The following ZEB1 variants were observed in gnomAD, a reference collection of about 807,000 sequenced individuals.
ZEB1 encodes zinc finger E-box binding homeobox 1, also known as zinc finger E-box-binding homeobox 1.
ZEB1 carries 21 observed loss-of-function variants against 84.9 expected under a neutral mutation model. That is an observed-to-expected ratio of 0.25 (90% confidence interval 0.18 to 0.36). The LOEUF (loss-of-function observed/expected upper bound fraction) is 0.36. ZEB1 is among the 10% of genes least tolerant of loss of function. The probability of loss-of-function intolerance (pLI) is 1.00; values close to 1 mark genes in which losing one functional copy is unlikely to be tolerated. For synonymous variants in ZEB1, 420 were observed against 471.1 expected (o/e 0.89, Z 1.41); for missense variants, 1,104 against 1,330.2 (o/e 0.83, Z 2.65).
chr10:31,447,849 C>A (rs28870112), intron 1 of ZEB1, among the ~76,000 whole-genome samples: 2 of 147,434 alleles, frequency 1.4e-5, no homozygotes, highest in African/African-American at 5.0e-5. Context: ...CTTAACATTT[C>A]TTCCTTCATT....
intron 2 of ZEB1, 45 bp from the exon 3 acceptor site, chr10:31,495,731 A>G: frequency 1.2e-6 from 2 of 1,603,018 alleles, no homozygotes; most frequent in South Asian, 1.1e-5. Flanking sequence ...TTTCGTTTGT[A>G]TTAGGAACAC....
chr10:31,461,074 T>C lies in ZEB1; in HGVS notation c.96T>C (p.Asp32=). The C allele has an allele frequency of 6.2e-7, 1 of 1,613,270 alleles. No homozygotes were observed. The highest frequency in any genetic ancestry group is 2.2e-5 in the East Asian group (1 of 44,830). ...NYNTVVETNS[D]SDDEDKLHIV... is the part of the protein sequence containing the mutation. ...ATACTGTGGTAGAAACAAATTCAGA[T>C]TCAGATGATGAAGACAAACTGCATA... The change falls in exon 2 of 9, where the codon GAT becomes GAC. Residue 32 remains aspartate, a synonymous_variant. Coordinates refer to ENST00000424869, the MANE Select transcript of ZEB1 (RefSeq NM_001174096.2).
At chr10:31,385,945 ATAT>A (rs1170661055) in intron 1 of ZEB1, among the ~76,000 whole-genome samples, 5 of 152,216 alleles carry the variant, frequency 3.3e-5, no homozygotes, top group African/African-American at 1.2e-4. Context: ...CAAATGAATA[ATAT>A]TCTGTTTATT....
At chr10:31,452,742 TGAGAGAGAGAGAGAGA>T (rs35403055) in intron 1 of ZEB1, among the ~76,000 whole-genome samples, 1 of 90,736 alleles carries the variant, frequency 1.1e-5, no homozygotes, top group Non-Finnish European at 2.1e-5. Flanking sequence ...TGTGTGTGTG[TGAGAGAGAGAGAGAGA>T]GAGAGAGAGA....
At chr10:31,435,077 C>T (rs939283559) in intron 1 of ZEB1, among the ~76,000 whole-genome samples, 6 of 152,114 alleles carry the variant, frequency 3.9e-5, no homozygotes, top group Non-Finnish European at 8.8e-5. Flanking sequence ...GAGATTACTT[C>T]GGGTTATGTG....
At chr10:31,515,353 C>T (rs999653555) in intron 6 of ZEB1, among the ~76,000 whole-genome samples, 2 of 152,014 alleles carry the variant, frequency 1.3e-5, no homozygotes, top group African/African-American at 4.8e-5. Context: ...TCTTTGGAGA[C>T]ACTACTTGAA....
At chr10:31,359,319 T>C (rs2042605159) in intron 1 of ZEB1, among the ~76,000 whole-genome samples, 1 of 152,064 alleles carries the variant, frequency 6.6e-6, no homozygotes, top group South Asian at 2.1e-4. Flanking sequence ...AGATAGCATT[T>C]TTCTTAAAGT....
At chr10:31,493,971 A>G (rs958258338) in intron 2 of ZEB1, among the ~76,000 whole-genome samples, 1 of 152,064 alleles carries the variant, frequency 6.6e-6, no homozygotes, top group Non-Finnish European at 1.5e-5. Flanking sequence ...AGTTATAAGT[A>G]GAAAAATTAG....
intron 1 of ZEB1, among the ~76,000 whole-genome samples, chr10:31,393,222 A>G (rs1316080415): frequency 1.3e-5 from 2 of 152,142 alleles, no homozygotes; most frequent in Non-Finnish European, 2.9e-5. Flanking sequence ...AGAAAATGGT[A>G]TTGACTTCTG....
chr10:31,487,430 A>G (rs1388984501), intron 2 of ZEB1, among the ~76,000 whole-genome samples: 1 of 151,280 alleles, frequency 6.6e-6, no homozygotes, highest in Non-Finnish European at 1.5e-5. Flanking sequence ...TTTTTCTTAC[A>G]TCAGTGTTTC....
intron 8 of ZEB1, among the ~76,000 whole-genome samples, chr10:31,526,247 A>C (rs1307723204): frequency 6.6e-6 from 1 of 152,184 alleles, no homozygotes; most frequent in Non-Finnish European, 1.5e-5. Flanking sequence ...CTGGGAGCAG[A>C]GCTTGTGACT....
At chr10:31,446,331 C>G (rs555247574) in intron 1 of ZEB1, among the ~76,000 whole-genome samples, 3 of 152,092 alleles carry the variant, frequency 2.0e-5, no homozygotes, top group Admixed American at 2.0e-4. Context: ...TGCTAGTGGT[C>G]TATCAATTTT....
At chr10:31,524,961 T>A (rs1160438081) in intron 8 of ZEB1, among the ~76,000 whole-genome samples, 2 of 152,232 alleles carry the variant, frequency 1.3e-5, no homozygotes, top group African/African-American at 2.4e-5. Flanking sequence ...TTAGGTTGAC[T>A]CAGGGATGGC....
intron 1 of ZEB1, among the ~76,000 whole-genome samples, chr10:31,364,535 C>T (rs868429287): frequency 1.3e-5 from 2 of 152,338 alleles, no homozygotes; most frequent in African/African-American, 4.8e-5. Context: ...TGCCTCTGTG[C>T]CACCTGGAGC....
chr10:31,426,584 G>C (rs1271028836), intron 1 of ZEB1, among the ~76,000 whole-genome samples: 1 of 152,142 alleles, frequency 6.6e-6, no homozygotes, highest in African/African-American at 2.4e-5. Flanking sequence ...TCCAACTGGG[G>C]ACATCCTGTG....
chr10:31,404,157 C>T (rs149534), intron 1 of ZEB1, among the ~76,000 whole-genome samples: 19,125 of 151,744 alleles, frequency 0.13, 2,401 homozygotes, highest in African/African-American at 0.33. Context: ...AAATTTATGA[C>T]TGAAGATTAT....
intron 2 of ZEB1, among the ~76,000 whole-genome samples, chr10:31,487,290 A>G (rs910355668): frequency 4.6e-5 from 7 of 151,450 alleles, no homozygotes; most frequent in Non-Finnish European, 7.4e-5. Context: ...AAAAATAATC[A>G]TGCTGAAATT....
intron 1 of ZEB1, among the ~76,000 whole-genome samples, chr10:31,447,528 G>T: frequency 7.5e-6 from 1 of 133,508 alleles, no homozygotes; most frequent in Non-Finnish European, 1.6e-5. Flanking sequence ...TTTACATTTT[G>T]GCATGATTTT....
intron 1 of ZEB1, among the ~76,000 whole-genome samples, chr10:31,400,445 G>T (rs2051751786): frequency 6.6e-6 from 1 of 152,028 alleles, no homozygotes; most frequent in Admixed American, 6.5e-5. Flanking sequence ...CATTATATAT[G>T]TAGAACTTTC....
Sources: allele counts gnomAD v4.1 joint callset (sites outside exome capture counted in the v4.1 genomes callset), GRCh38; gene constraint gnomAD v4.1.1; transcripts MANE v1.5; gene names NCBI Gene and HGNC (gene_info 2026-07-23, HGNC 2026-07-21).